PDE1C: variants seen among roughly 807,000 people sequenced by gnomAD.
PDE1C encodes dual specificity calcium/calmodulin-dependent 3',5'-cyclic nucleotide phosphodiesterase 1C.
Under a neutral mutation model 93.1 loss-of-function variants are expected in PDE1C, and 62 were observed. The ratio of observed to expected loss-of-function variants is 0.67; its 90% CI spans 0.54 to 0.82. The LOEUF (loss-of-function observed/expected upper bound fraction) is 0.82, where lower values mean the gene tolerates loss of function less well. PDE1C is among the 40% of genes least tolerant of loss of function. The probability of loss-of-function intolerance (pLI) is 0.00; values close to 1 mark genes in which losing one functional copy is unlikely to be tolerated. For missense variants in PDE1C, 742 were observed against 884.6 expected (o/e 0.84, Z 2.04); for synonymous variants, 325 against 310.1 (o/e 1.05, Z -0.50).
intron 2 of PDE1C, among the ~76,000 whole-genome samples, chr7:32,170,651 T>G (rs923140845): frequency 1.3e-5 from 2 of 152,138 alleles, no homozygotes; most frequent in Non-Finnish European, 2.9e-5. Context: ...TTCCACAAAC[T>G]TCATGCTGTA....
chr7:32,125,456 A>C (rs569365582), intron 3 of PDE1C, among the ~76,000 whole-genome samples: 2 of 152,292 alleles, frequency 1.3e-5, no homozygotes, highest in South Asian at 2.1e-4. Flanking sequence ...TAGCAAAGAC[A>C]TGGAACCAAC....
the PDE1C span, among the ~76,000 whole-genome samples, chr7:31,660,640 G>C: frequency 6.6e-6 from 1 of 151,710 alleles, no homozygotes; most frequent in Non-Finnish European, 1.5e-5. Context: ...TATTATTTCT[G>C]ACTTTATCTT....
chr7:32,147,300 G>GAAAGAAAGAAAGAAAGAAAAAGAAA (rs1563352787), intron 3 of PDE1C, among the ~76,000 whole-genome samples: 26 of 137,806 alleles, frequency 1.9e-4, no homozygotes, highest in African/African-American at 7.1e-4. Context: ...AAGAAAGAAA[G>GAAAGAAAGAAAGAAAGAAAAAGAAA]AAAGAAAGAA....
chr7:31,644,294 TTC>T, the PDE1C span, among the ~76,000 whole-genome samples: 109,481 of 151,908 alleles, frequency 0.72, 40,024 homozygotes, highest in East Asian at 0.83. Context: ...AGCTGAGAAG[TTC>T]TGTGTCTTAA....
intron 2 of PDE1C, among the ~76,000 whole-genome samples, chr7:31,969,676 T>C (rs1440218697): frequency 1.3e-5 from 2 of 152,194 alleles, no homozygotes; most frequent in East Asian, 1.9e-4. Flanking sequence ...CATGCTGCTA[T>C]AAAGACACAT....
rs1244449041 is a variant in PDE1C at position 32,259,910 on chromosome 7, G to C, written c.85+38741C>G. Among the ~76,000 whole-genome samples, 4 of 150,226 alleles carry C rather than the reference G, an allele frequency of 2.7e-5. No individual in the cohort carries two copies. The South Asian group carries it at 8.3e-4, about 31-fold the overall frequency. On this transcript the variant is annotated intron_variant, in intron 1 of 18. Transcript: ENST00000396193. Reference sequence around the variant, plus strand: ...TACAGGAACCCATCAAGTGACATGAGGTAAACACCCGGCACAAACCTGCAG... The same window carrying C: ...TACAGGAACCCATCAAGTGACATGACGTAAACACCCGGCACAAACCTGCAG...
chr7:32,070,937 G>A, upstream of PDE1C: 4 of 985,390 alleles, frequency 4.1e-6, no homozygotes, highest in Non-Finnish European at 4.8e-6. Context: ...CTCACTCCCT[G>A]GCCGCGCCTG....
chr7:32,110,635 G>A (rs1043037346), intron 3 of PDE1C, among the ~76,000 whole-genome samples: 1 of 152,162 alleles, frequency 6.6e-6, no homozygotes, highest in Non-Finnish European at 1.5e-5. Flanking sequence ...CCACAGAGAT[G>A]GGTGGTGTTT....
At chr7:31,639,541 T>TTTTTG in the PDE1C span, among the ~76,000 whole-genome samples, 1 of 44,978 alleles carries the variant, frequency 2.2e-5, no homozygotes. Flanking sequence ...TGTTTTTGTT[T>TTTTTG]TTTTTTTTTT....
intron 1 of PDE1C, among the ~76,000 whole-genome samples, chr7:32,289,196 C>T (rs536575767): frequency 7.2e-5 from 11 of 152,124 alleles, no homozygotes; most frequent in Admixed American, 2.6e-4. Flanking sequence ...CTTGAGCCCA[C>T]GAGTTGAAGA....
At chr7:32,318,346 T>C (rs1783216522) in intron 1 of PDE1C, among the ~76,000 whole-genome samples, 1 of 152,068 alleles carries the variant, frequency 6.6e-6, no homozygotes, top group Non-Finnish European at 1.5e-5. Flanking sequence ...GTTCCCTCCC[T>C]CTAAACATTC....
chr7:32,265,716 C>T (rs1166726107), intron 1 of PDE1C, among the ~76,000 whole-genome samples: 2 of 152,206 alleles, frequency 1.3e-5, no homozygotes, highest in Non-Finnish European at 2.9e-5. Context: ...AGAATCCTGA[C>T]CAACAGAGAC....
At chr7:31,689,117 C>T in the PDE1C span, among the ~76,000 whole-genome samples, 1 of 152,156 alleles carries the variant, frequency 6.6e-6, no homozygotes, top group African/African-American at 2.4e-5. Flanking sequence ...ATTTCCACAG[C>T]ACGTTTGACT....
At chr7:32,427,791 T>TGA (rs1785565565) in intron 1 of PDE1C, 1 of 152,252 alleles carries the variant, frequency 6.6e-6, no homozygotes, top group Non-Finnish European at 1.5e-5. Flanking sequence ...AGCAGCTCTG[T>TGA]GAGATCCTTA....
intron 1 of PDE1C, among the ~76,000 whole-genome samples, chr7:32,068,287 GTGTTATTCCAAGTTGTGGACTGCAAAAA>G (rs1323939401): frequency 1.3e-5 from 2 of 152,184 alleles, no homozygotes; most frequent in Non-Finnish European, 2.9e-5. Flanking sequence ...GGACGGCAAA[GTGTTATTCCAAGTTGTGGACTGCAAAAA>G]TGTTATTCCA....
chr7:31,953,236 C>T (rs965767275), intron 2 of PDE1C, among the ~76,000 whole-genome samples: 12 of 152,076 alleles, frequency 7.9e-5, no homozygotes, highest in Admixed American at 1.3e-4. Context: ...CACAGGTTTG[C>T]GACGGTGCTG....
intron 1 of PDE1C, among the ~76,000 whole-genome samples, chr7:32,235,823 C>T (rs1001169678): frequency 2.6e-5 from 4 of 152,002 alleles, no homozygotes; most frequent in Admixed American, 2.6e-4. Context: ...TGTGGAATGG[C>T]AAGTGAACTA....
intron 16 of PDE1C, chr7:31,788,446 A>C (rs1367028669): frequency 6.6e-6 from 1 of 152,164 alleles, no homozygotes; most frequent in Non-Finnish European, 1.5e-5. Flanking sequence ...AAATTTGGAG[A>C]GAGCTTATAT....
chr7:31,642,435 G>T, the PDE1C span, among the ~76,000 whole-genome samples: 5 of 152,206 alleles, frequency 3.3e-5, no homozygotes, highest in African/African-American at 4.8e-5. Context: ...AGGGGCAGAG[G>T]ATGATGGAGT....
Sources: allele counts gnomAD v4.1 joint callset (sites outside exome capture counted in the v4.1 genomes callset), GRCh38; gene constraint gnomAD v4.1.1; transcripts MANE v1.5; gene names NCBI Gene and HGNC (gene_info 2026-07-23, HGNC 2026-07-21).